The following JAKMIP2 variants were observed in gnomAD, a reference collection of about 807,000 sequenced individuals.
The protein encoded by JAKMIP2 is janus kinase and microtubule-interacting protein 2.
JAKMIP2 carries 25 observed loss-of-function variants against 115.0 expected under a neutral mutation model. That is an observed-to-expected ratio of 0.22 (90% CI 0.16 to 0.30). The LOEUF is 0.30. JAKMIP2 is among the 10% of genes least tolerant of loss of function. The pLI, the probability that JAKMIP2 is intolerant of heterozygous loss-of-function variation, is 1.00. For missense variants in JAKMIP2, 642 were observed against 957.6 expected, an observed-to-expected ratio of 0.67 and a Z score of 4.35; for synonymous variants, 334 against 343.6, an observed-to-expected ratio of 0.97 and a Z score of 0.31.
intron 4 of JAKMIP2, among the ~76,000 whole-genome samples, chr5:147,649,151 G>A (rs1561513664): frequency 6.6e-6 from 1 of 152,136 alleles, no homozygotes; most frequent in Non-Finnish European, 1.5e-5. Flanking sequence ...ATTATCATAT[G>A]CTAACAATTA....
At position 147,707,008 on chromosome 5, in the gene JAKMIP2, T is replaced by G. The variant is rs533969914; in HGVS notation, c.-148-35054A>C. Among the ~76,000 whole-genome samples the G allele has an allele frequency of 1.9e-3, 287 of 152,296 alleles. 7 individuals carry two copies. In the South Asian group the frequency reaches 0.037, roughly 20 times the overall value. ...GTATTTACCTGTGTGTTATACTTTC[T>G]AGGCCTTTTTTTGAGGGTTATGAAT... On this transcript the variant is annotated intron_variant, in intron 1 of 21. Transcript: ENST00000616793.
chr5:147,660,764 G>A (rs1758914255), intron 3 of JAKMIP2, 184 bp downstream of exon 3: 6 of 648,798 alleles, frequency 9.2e-6, no homozygotes, highest in Non-Finnish European at 1.3e-5. Flanking sequence ...ATTTTGGCCT[G>A]AGCATATCTC....
intron 1 of JAKMIP2, among the ~76,000 whole-genome samples, chr5:147,725,961 A>C (rs564020035): frequency 5.9e-5 from 9 of 152,070 alleles, no homozygotes; most frequent in African/African-American, 9.7e-5. Flanking sequence ...AGTAGTGAAG[A>C]TTCCTTCACT....
intron 20 of JAKMIP2, 21 bp from the exon 21 acceptor site, chr5:147,601,832 G>C: frequency 1.8e-6 from 2 of 1,123,992 alleles, no homozygotes; most frequent in Non-Finnish European, 2.6e-6. Flanking sequence ...AAAAGAAGAA[G>C]ATTATGTAAA....
At position 147,629,732 on chromosome 5, in the gene JAKMIP2, A is replaced by G; in HGVS notation, c.1890T>C (p.Pro630=). ...MKEGVKDVNI[P]DLIKQLDILG... is the part of the protein sequence containing the mutation. ...AGATATCAAGCTGCTTTATGAGATCAGGGATGTTCACATCCTGCAAAATCA... is the reference window on the plus strand; with the variant it reads ...AGATATCAAGCTGCTTTATGAGATCGGGGATGTTCACATCCTGCAAAATCA... Residue 630 remains proline, a synonymous_variant, in exon 15 of 22, where the codon CCT becomes CCC. Transcript: ENST00000616793. The G allele has an allele frequency of 6.2e-7, 1 of 1,612,510 alleles. No individual in the cohort carries two copies. Among genetic ancestry groups the G allele is most frequent in the Non-Finnish European group, 8.5e-7 (1 of 1,179,176 alleles).
intron 1 of JAKMIP2, among the ~76,000 whole-genome samples, chr5:147,678,964 TTTATTTATTTA>T (rs767506290): frequency 0.016 from 997 of 63,734 alleles, 2 homozygotes; most frequent in South Asian, 0.029. Context: ...TACATTTTTA[TTTATTTATTTA>T]TTTATTTATT....
intron 10 of JAKMIP2, 48 bp downstream of exon 10, chr5:147,639,584 G>A (rs1479228124): frequency 3.8e-6 from 6 of 1,569,188 alleles, no homozygotes; most frequent in Non-Finnish European, 1.7e-6. Context: ...CTTTTATGCT[G>A]TGACTGCTGC....
chr5:147,751,378 G>A (rs1463606934), intron 1 of JAKMIP2, among the ~76,000 whole-genome samples: 1 of 151,864 alleles, frequency 6.6e-6, no homozygotes, highest in African/African-American at 2.4e-5. Context: ...GATTTCAGGC[G>A]TGAGCCAGCA....
intron 21 of JAKMIP2, among the ~76,000 whole-genome samples, chr5:147,592,986 T>A (rs1034261959): frequency 1.3e-5 from 2 of 152,004 alleles, no homozygotes; most frequent in Non-Finnish European, 1.5e-5. Context: ...CGGGGAGAGA[T>A]CACACTGAGG....
At chr5:147,594,494 C>A in intron 21 of JAKMIP2, 2 of 444,586 alleles carry the variant, frequency 4.5e-6, no homozygotes, top group Non-Finnish European at 4.6e-6. Context: ...GCCCCCATAC[C>A]CAGCTAGTTT....
intron 12 of JAKMIP2, among the ~76,000 whole-genome samples, chr5:147,633,828 TACAGGTGCCTGCC>T (rs56402226): frequency 0.12 from 17,779 of 151,996 alleles, 1,381 homozygotes; most frequent in South Asian, 0.26. Flanking sequence ...TAGCTGGGAC[TACAGGTGCCTGCC>T]ACCAGGCCTG....
At chr5:147,755,985 C>A (rs981897905) in intron 1 of JAKMIP2, among the ~76,000 whole-genome samples, 2 of 152,002 alleles carry the variant, frequency 1.3e-5, no homozygotes, top group Non-Finnish European at 2.9e-5. Flanking sequence ...TCCTGTATTG[C>A]TCTAACAAAA....
At chr5:147,644,267 A>G in intron 6 of JAKMIP2, 69 bp from the exon 7 acceptor site, 1 of 1,400,154 alleles carries the variant, frequency 7.1e-7, no homozygotes, top group Admixed American at 2.3e-5. Flanking sequence ...TTAACATAAA[A>G]TATCTGTAGA....
chr5:147,750,692 G>C (rs912234008), intron 1 of JAKMIP2, among the ~76,000 whole-genome samples: 3 of 152,004 alleles, frequency 2.0e-5, no homozygotes, highest in African/African-American at 7.2e-5. Flanking sequence ...CCTTAACCCC[G>C]ATCCCAACGT....
At chr5:147,748,626 C>T (rs908482429) in intron 1 of JAKMIP2, among the ~76,000 whole-genome samples, 6 of 152,154 alleles carry the variant, frequency 3.9e-5, no homozygotes, top group Admixed American at 3.9e-4. Context: ...CATGGAGATG[C>T]TGTCTTTCCT....
chr5:147,688,379 T>G (rs944435869), intron 1 of JAKMIP2, among the ~76,000 whole-genome samples: 1 of 152,198 alleles, frequency 6.6e-6, no homozygotes, highest in African/African-American at 2.4e-5. Flanking sequence ...CAAAACCGTA[T>G]GCACAACATA....
intron 20 of JAKMIP2, among the ~76,000 whole-genome samples, chr5:147,610,768 T>C (rs1258383182): frequency 1.3e-5 from 2 of 152,200 alleles, no homozygotes; most frequent in Admixed American, 6.5e-5. Context: ...TTAAGTCTGC[T>C]GAAGCTGCAC....
chr5:147,712,977 C>A (rs1327078925), intron 1 of JAKMIP2, among the ~76,000 whole-genome samples: 1 of 151,760 alleles, frequency 6.6e-6, no homozygotes, highest in Non-Finnish European at 1.5e-5. Flanking sequence ...ATATGGATAA[C>A]GATTTAAAAA....
At chr5:147,733,425 C>T (rs72835163) in intron 1 of JAKMIP2, among the ~76,000 whole-genome samples, 18,592 of 152,142 alleles carry the variant, frequency 0.12, 1,205 homozygotes, top group Middle Eastern at 0.18. Context: ...TCTGGTCAGG[C>T]ACTTCACTCA....
Sources: allele counts gnomAD v4.1 joint callset (sites outside exome capture counted in the v4.1 genomes callset), GRCh38; gene constraint gnomAD v4.1.1; transcripts MANE v1.5; gene names NCBI Gene and HGNC (gene_info 2026-07-23, HGNC 2026-07-21).